Variants in DNAI3 observed in about 807,000 individuals in gnomAD.
The protein encoded by DNAI3 is WD repeat domain 63.
A neutral mutation model predicts 115.5 loss-of-function variants in DNAI3; 83 were observed. That is an observed-to-expected ratio of 0.72 (90% confidence interval 0.60 to 0.86). DNAI3 has a LOEUF of 0.86. Among genes scored for constraint, DNAI3 ranks in the 40% least tolerant of loss-of-function variants. The pLI is 0.00. For synonymous variants in DNAI3, 320 were observed against 347.0 expected (o/e 0.92, Z 0.86); for missense variants, 1,004 against 1,075.8 (o/e 0.93, Z 0.93).
rs1325418504 is a variant in DNAI3, at chr1:85,133,013, G to T, written c.*15G>T. 6.2e-7 allele frequency: 1 copy of T among 1,603,102 alleles called. No homozygotes were observed. Among genetic ancestry groups the T allele is most frequent in the South Asian group, 1.1e-5 (1 of 88,630 alleles). On this transcript the variant is annotated 3_prime_UTR_variant, in exon 23 of 23. Coordinates refer to ENST00000294664, the MANE Select transcript of DNAI3 (RefSeq NM_145172.5). ...AGGTGATGTAAAAAAGCTTCCTGAAGGGGTGTTTTGGGGACTTCTTCCCTC... is the reference window on the plus strand; with the variant it reads ...AGGTGATGTAAAAAAGCTTCCTGAATGGGTGTTTTGGGGACTTCTTCCCTC...
intron 20 of DNAI3, among the ~76,000 whole-genome samples, chr1:85,127,551 GA>G (rs1656186423): frequency 6.6e-6 from 1 of 152,060 alleles, no homozygotes; most frequent in African/African-American, 2.4e-5. Context: ...TTTTTTAAAA[GA>G]AGAAGTTTCC....
chr1:85,078,018 T>G (rs1377996955), intron 3 of DNAI3, among the ~76,000 whole-genome samples: 1 of 152,152 alleles, frequency 6.6e-6, no homozygotes, highest in Non-Finnish European at 1.5e-5. Context: ...GAGGCATGAA[T>G]TGTGTAGAGC....
intron 16 of DNAI3, 127 bp downstream of exon 16, chr1:85,110,262 T>C (rs1404940667): frequency 2.5e-5 from 18 of 730,826 alleles, no homozygotes; most frequent in African/African-American, 5.5e-5. Context: ...TCATCCTGGC[T>C]AACACGGTGA....
In DNAI3 at chr1:85,133,020, T is replaced by C; in HGVS notation, c.*22T>C. 1 of 1,603,952 alleles carries C rather than the reference T, an allele frequency of 6.2e-7. No homozygotes were observed. The highest frequency in any genetic ancestry group is 2.2e-5 in the East Asian group (1 of 44,608). On this transcript the variant is annotated 3_prime_UTR_variant, in exon 23 of 23. Transcript: ENST00000294664. ...GTAAAAAAGCTTCCTGAAGGGGTGT[T>C]TTGGGGACTTCTTCCCTCTATTTAT...
intron 2 of DNAI3, among the ~76,000 whole-genome samples, 196 bp from the exon 3 acceptor site, chr1:85,072,858 G>A (rs1320969099): frequency 6.7e-6 from 1 of 149,822 alleles, no homozygotes; most frequent in Non-Finnish European, 1.5e-5. Context: ...GGGAGGCTGA[G>A]GCAGGAGAAT....
intron 1 of DNAI3, among the ~76,000 whole-genome samples, chr1:85,071,077 T>C (rs1444963108): frequency 6.6e-6 from 1 of 152,240 alleles, no homozygotes; most frequent in Non-Finnish European, 1.5e-5. Flanking sequence ...TTGAGTTGAT[T>C]GATGACACTT....
intron 15 of DNAI3, among the ~76,000 whole-genome samples, chr1:85,108,736 C>T (rs1042349367): frequency 2.0e-5 from 3 of 152,128 alleles, no homozygotes; most frequent in African/African-American, 7.2e-5. Context: ...GAACATAGTA[C>T]CCAATAGGTG....
At chr1:85,118,602 A>T (rs1219847309) in intron 17 of DNAI3, among the ~76,000 whole-genome samples, 1 of 152,122 alleles carries the variant, frequency 6.6e-6, no homozygotes, top group East Asian at 1.9e-4. Context: ...CTTCATCCAC[A>T]CTTTGGTATG....
chr1:85,071,846 T>G lies in DNAI3; in HGVS notation c.-14-82T>G, dbSNP rs1218847292. 2.3e-6 allele frequency: 3 copies of G among 1,291,456 alleles called. No individual in the cohort carries two copies. In the African/African-American group the frequency reaches 4.6e-5, roughly 20 times the overall value. 80.0% of individuals were successfully genotyped at this position (1,291,456 alleles called of 1,614,324 possible). A position where few individuals can be genotyped will look rare whatever the true frequency, so the allele number is the denominator to read the frequency against. On this transcript the variant is annotated intron_variant, in intron 1 of 22. Coordinates refer to ENST00000294664, the MANE Select transcript of DNAI3 (RefSeq NM_145172.5). ...TTAGAAAACATATTCTTATGTTTAT[T>G]AAATGATAATGTTTAGTATTTGAAA...
rs1655064600 is a variant in DNAI3 at position 85,094,277 on chromosome 1, G to A, written c.1049-154G>A. ...GCTAAATAAGTAGCATGTAACTAGT[G>A]GCAACCACATTAGCCAGCAGAGCTC... is the stretch of plus-strand genomic sequence containing the variant. On this transcript the variant is annotated intron_variant, in intron 9 of 22. Transcript: ENST00000294664. 4.1e-6 allele frequency: 4 copies of A among 985,468 alleles called. No homozygotes were observed. The South Asian group carries it at 6.7e-5, about 16-fold the overall frequency. 61.0% of individuals were successfully genotyped at this position (985,468 alleles called of 1,614,324 possible).
intron 16 of DNAI3, among the ~76,000 whole-genome samples, chr1:85,116,009 A>ATCTGTGAT (rs1655805942): frequency 6.6e-6 from 1 of 152,120 alleles, no homozygotes; most frequent in Non-Finnish European, 1.5e-5. Flanking sequence ...TTCTCTTAGC[A>ATCTGTGAT]TCTGTGATTT....
chr1:85,114,142 A>T (rs1448754542), intron 16 of DNAI3, among the ~76,000 whole-genome samples: 1 of 151,082 alleles, frequency 6.6e-6, no homozygotes, highest in East Asian at 1.9e-4. Context: ...CCTCCCGAGT[A>T]GCTGGGACCA....
intron 13 of DNAI3, among the ~76,000 whole-genome samples, chr1:85,100,488 G>A (rs1280797815): frequency 1.3e-5 from 2 of 152,162 alleles, no homozygotes; most frequent in African/African-American, 4.8e-5. Context: ...TGCTGGAGAG[G>A]ATGTGGAGAA....
In DNAI3 at chr1:85,108,022, A is replaced by AC. The variant is rs11427716; in HGVS notation, c.1554-11_1554-10insC. On this transcript the variant is annotated splice_polypyrimidine_tract_variant and intron_variant, in intron 14 of 22. Coordinates refer to ENST00000294664, the MANE Select transcript of DNAI3 (RefSeq NM_145172.5). ...TGTACTTAATAAAAAATATATATAA[A>AC]TTTTTTTTAGCACAATATGTTTTTG... 0.57 allele frequency: 854,989 copies of AC among 1,503,872 alleles called. 243,801 individuals are homozygous for AC. Among genetic ancestry groups the AC allele is most frequent in the African/African-American group, 0.67 (47,431 of 70,414 alleles). 93.2% of individuals were successfully genotyped at this position (1,503,872 alleles called of 1,614,324 possible).
chr1:85,081,100 A>G (rs1654620167), intron 3 of DNAI3, 134 bp from the exon 4 acceptor site: 1 of 690,870 alleles, frequency 1.4e-6, no homozygotes, highest in African/African-American at 1.9e-5. Context: ...ATTTACTTTA[A>G]ATACAGGAAT....
chr1:85,132,595 G>A (rs1013226125), intron 22 of DNAI3, among the ~76,000 whole-genome samples: 10 of 152,058 alleles, frequency 6.6e-5, no homozygotes, highest in Admixed American at 5.2e-4. Context: ...AGGGAAACAA[G>A]AGTTATAGGG....
intron 18 of DNAI3, among the ~76,000 whole-genome samples, chr1:85,123,051 T>G (rs893858463): frequency 6.6e-6 from 1 of 152,238 alleles, no homozygotes; most frequent in African/African-American, 2.4e-5. Flanking sequence ...ATGGAAGGAC[T>G]GTGGCTCTTG....
At position 85,133,075 on chromosome 1, in the gene DNAI3, CATATAT is replaced by C. The variant is rs140226768; in HGVS notation, c.*85_*90del. The C allele has an allele frequency of 7.1e-7, 1 of 1,404,792 alleles. No individual in the cohort carries two copies. Among genetic ancestry groups the C allele is most frequent in the Admixed American group, 2.2e-5 (1 of 44,510 alleles). 87.0% of individuals were successfully genotyped at this position (1,404,792 alleles called of 1,614,324 possible). On this transcript the variant is annotated 3_prime_UTR_variant, in exon 23 of 23. Transcript: ENST00000294664. ...ATGTCAGGTGAACTGGCATGCTGAA[CATATAT>C]ATATATAGGCTCATTTATAGACTTT...
chr1:85,084,252 A>ATC (rs1654722656), intron 5 of DNAI3, among the ~76,000 whole-genome samples: 1 of 15,726 alleles, frequency 6.4e-5, no homozygotes, highest in East Asian at 3.6e-3. Flanking sequence ...AGCAGTGTGT[A>ATC]TATATATATA....
Sources: gnomAD v4.1 joint callset for allele counts (sites outside exome capture counted in the v4.1 genomes callset) on GRCh38, gnomAD v4.1.1 for gene constraint, MANE v1.5 for transcripts, NCBI Gene and HGNC (gene_info 2026-07-23, HGNC 2026-07-21) for gene names.